The following FLRT3 variants were observed in gnomAD, a reference collection of about 807,000 sequenced individuals.
FLRT3 encodes the protein fibronectin leucine rich transmembrane protein 3, also known as leucine-rich repeat transmembrane protein FLRT3.
A neutral mutation model predicts 42.6 loss-of-function variants in FLRT3; 17 were observed. That is an observed-to-expected ratio of 0.40 (90% CI 0.27 to 0.60). FLRT3 has a LOEUF of 0.60. Among genes scored for constraint, FLRT3 ranks in the 20% least tolerant of loss-of-function variants. The probability of loss-of-function intolerance (pLI) is 0.44; values close to 1 mark genes in which losing one functional copy is unlikely to be tolerated. For missense variants in FLRT3, 635 were observed against 789.2 expected (o/e 0.80, Z 2.34); for synonymous variants, 279 against 286.4 (o/e 0.97, Z 0.26).
At position 14,324,936 on chromosome 20, in the gene FLRT3, A is replaced by G. The variant is rs2082709513; in HGVS notation, c.*621T>C. On this transcript the variant is annotated 3_prime_UTR_variant, in exon 3 of 3. Transcript: ENST00000341420. ...TTCAGAAGATATGCTTAACTTTTTTAAGGATAATTAATTTGCCTAGAGCAA... is the reference window on the plus strand; with the variant it reads ...TTCAGAAGATATGCTTAACTTTTTTGAGGATAATTAATTTGCCTAGAGCAA... 6.6e-6 allele frequency: 1 copy of G among 152,580 alleles called. No homozygotes were observed. The highest frequency in any genetic ancestry group is 1.5e-5 in the Non-Finnish European group (1 of 68,030). 9.5% of individuals were successfully genotyped at this position (152,580 alleles called of 1,614,324 possible).
At chr20:14,335,011 T>C (rs1249085945) in intron 1 of FLRT3, among the ~76,000 whole-genome samples, 1 of 152,160 alleles carries the variant, frequency 6.6e-6, no homozygotes. Flanking sequence ...GGTATGAACA[T>C]TGGCATATCA....
chr20:14,332,085 T>C (rs1228220924), intron 1 of FLRT3, among the ~76,000 whole-genome samples: 1 of 152,146 alleles, frequency 6.6e-6, no homozygotes, highest in Admixed American at 6.6e-5. Context: ...TATTTAACTA[T>C]AAAACACTTA....
rs2082747799 is a variant in FLRT3 at position 14,327,046 on chromosome 20, T to A, written c.461A>T (p.Asn154Ile). ...SIEEGAFRDS[N>I]YLRLLFLSRN... ...GGACAGGAAAAGCAGTCGGAGATAG[T>A]TGCTGTCTCGGAATGCTCCCTCTTC... The change falls in exon 3 of 3, where the codon AAC becomes ATC. Residue 154 changes from asparagine to isoleucine, a missense_variant. Coordinates refer to ENST00000341420, the MANE Select transcript of FLRT3 (RefSeq NM_198391.3). 6.2e-7 allele frequency: 1 copy of A among 1,613,650 alleles called. No individual in the cohort carries two copies. Among genetic ancestry groups the A allele is most frequent in the Admixed American group, 1.7e-5 (1 of 59,958 alleles).
At chr20:14,331,762 C>T (rs892403931) in intron 1 of FLRT3, among the ~76,000 whole-genome samples, 3 of 152,038 alleles carry the variant, frequency 2.0e-5, no homozygotes, top group Non-Finnish European at 4.4e-5. Context: ...CAAAAATGAA[C>T]GATCCTCTCC....
rs1025623867 is a variant in FLRT3 at position 14,323,762 on chromosome 20, T to C, written c.*1795A>G. On this transcript the variant is annotated 3_prime_UTR_variant, in exon 3 of 3. Transcript: ENST00000341420. ...AACAGGGACAAAGAGAAAGTGTGTA[T>C]TTCACAGTATCACAAATGCCAACTC... 5 of 152,142 alleles carry C rather than the reference T, an allele frequency of 3.3e-5. No homozygotes were observed. Among genetic ancestry groups the C allele is most frequent in the African/African-American group, 9.7e-5 (4 of 41,438 alleles). 9.4% of individuals were successfully genotyped at this position (152,142 alleles called of 1,614,324 possible).
chr20:14,330,229 T>C (rs141395761), intron 1 of FLRT3, among the ~76,000 whole-genome samples: 35 of 152,190 alleles, frequency 2.3e-4, no homozygotes, highest in Non-Finnish European at 4.7e-4. Flanking sequence ...AAGAGATCAT[T>C]GAATTTAATG....
intron 1 of FLRT3, among the ~76,000 whole-genome samples, chr20:14,336,325 A>C (rs1006430764): frequency 1.3e-5 from 2 of 152,146 alleles, no homozygotes; most frequent in African/African-American, 2.4e-5. Flanking sequence ...AAAATTGAAA[A>C]AAAAATCAAT....
At chr20:14,336,877 A>T (rs1160279362) in intron 1 of FLRT3, among the ~76,000 whole-genome samples, 2 of 152,212 alleles carry the variant, frequency 1.3e-5, no homozygotes, top group Non-Finnish European at 2.9e-5. Context: ...TTTAAAATCT[A>T]GGTGTAGCTG....
intron 1 of FLRT3, among the ~76,000 whole-genome samples, chr20:14,335,694 G>T (rs972089309): frequency 2.6e-5 from 4 of 152,040 alleles, no homozygotes; most frequent in Non-Finnish European, 5.9e-5. Context: ...TTACAGAACC[G>T]CAATATTAAT....
chr20:14,326,143 G>A lies in FLRT3; in HGVS notation c.1364C>T (p.Thr455Ile). The change falls in exon 3 of 3, where the codon ACA (threonine) becomes ATA (isoleucine). Residue 455 changes from threonine to isoleucine, a missense_variant. By Grantham distance (89) the Thr-to-Ile change is moderately conservative (BLOSUM62 -1). Coordinates refer to ENST00000341420, the MANE Select transcript of FLRT3 (RefSeq NM_198391.3). This position sits in a 1 kb window ranked among gnomAD's most constrained non-coding sequence, Gnocchi z 5.5. The part of the protein sequence containing the change: ...HSPAFGSITE[T>I]IVTGERSEYL... ...CTCACTGCGTTCCCCTGTTACAATTGTTTCTGTTATAGATCCAAATGCCGG... is the reference window on the plus strand; with the variant it reads ...CTCACTGCGTTCCCCTGTTACAATTATTTCTGTTATAGATCCAAATGCCGG... The A allele has an allele frequency of 1.2e-6, 2 of 1,613,860 alleles. No homozygotes were observed. Among genetic ancestry groups the A allele is most frequent in the East Asian group, 2.2e-5 (1 of 44,860 alleles).
Position 14,325,941 on chromosome 20 carries a change from G to A in FLRT3, c.1566C>T (p.Tyr522=), listed in dbSNP as rs772370066. 1.2e-6 allele frequency: 2 copies of A among 1,613,926 alleles called. No homozygotes were observed. The highest frequency in any genetic ancestry group is 3.3e-5 in the Admixed American group (2 of 59,988). The stretch of plus-strand genomic sequence containing the variant: ...CAGCCAAAGGTAAATTGGGGTTTTT[G>A]TAAGGTTCTTTCTCTTGCTCTCGAT... ...TLNREQEKEP[Y]KNPNLPLAAI... Residue 522 remains tyrosine (Y), a synonymous_variant, in exon 3 of 3, where the codon TAC becomes TAT. Coordinates refer to ENST00000341420, the MANE Select transcript of FLRT3 (RefSeq NM_198391.3).
chr20:14,332,662 T>C (rs2082866240), intron 1 of FLRT3, among the ~76,000 whole-genome samples: 1 of 152,162 alleles, frequency 6.6e-6, no homozygotes, highest in South Asian at 2.1e-4. Flanking sequence ...CTGGGGACTT[T>C]TAAAAATATT....
chr20:14,327,003 T>C lies in FLRT3; in HGVS notation c.504A>G (p.Thr168=). ...TAGTCCTGGGCAAACCCCAGGGAATTGTGCTAAGGTGATTACGGGACAGGA... is the reference window on the plus strand; with the variant it reads ...TAGTCCTGGGCAAACCCCAGGGAATCGTGCTAAGGTGATTACGGGACAGGA... The part of the protein sequence containing the change: ...LLFLSRNHLS[T]IPWGLPRTIE... Residue 168 remains threonine, a synonymous_variant, in exon 3 of 3, where the codon ACA becomes ACG. Coordinates refer to ENST00000341420, the MANE Select transcript of FLRT3 (RefSeq NM_198391.3). 1 of 1,613,686 alleles carries C rather than the reference T, an allele frequency of 6.2e-7. No homozygotes were observed. Among genetic ancestry groups the C allele is most frequent in the South Asian group, 1.1e-5 (1 of 91,074 alleles).
rs2082725464 is a variant in FLRT3, at chr20:14,325,895, C to T, written c.1612G>A (p.Ala538Thr). 6.2e-7 allele frequency: 1 copy of T among 1,613,798 alleles called. No homozygotes were observed. Among genetic ancestry groups the T allele is most frequent in the African/African-American group, 1.3e-5 (1 of 74,902 alleles). ...GCAAGAAGGGCAATGGTAACCAGGGCCACAGCCCCACCAATGATGGCAGCC... is the reference window on the plus strand; with the variant it reads ...GCAAGAAGGGCAATGGTAACCAGGGTCACAGCCCCACCAATGATGGCAGCC... ...PLAAIIGGAV[A>T]LVTIALLALV... The change falls in exon 3 of 3, where the codon GCC becomes ACC. Residue 538 changes from alanine to threonine, a missense_variant. Physicochemically the swap from Ala to Thr is moderately conservative, Grantham distance 58. Transcript: ENST00000341420.
At chr20:14,332,229 C>T (rs1275468039) in intron 1 of FLRT3, among the ~76,000 whole-genome samples, 2 of 152,034 alleles carry the variant, frequency 1.3e-5, no homozygotes, top group African/African-American at 4.8e-5. Context: ...ATAATGTAAT[C>T]ATCAAGTCTG....
Position 14,323,473 on chromosome 20 carries a change from T to G in FLRT3, c.*2084A>C, listed in dbSNP as rs1229568098. The G allele has an allele frequency of 6.6e-6, 1 of 152,136 alleles. No homozygotes were observed. Among genetic ancestry groups the G allele is most frequent in the Non-Finnish European group, 1.5e-5 (1 of 68,020 alleles). The allele number at this position is 152,136 out of a possible 1,614,324, so 9.4% of individuals were successfully genotyped here. ...AAGCTCTCCAAATCTTGACCTTTTG[T>G]TTTTTTATGGAGGCTTGATTACATA... On this transcript the variant is annotated 3_prime_UTR_variant, in exon 3 of 3. Transcript: ENST00000341420.
Position 14,337,443 on chromosome 20 carries a change from T to G in FLRT3, c.-286A>C. 2.6e-6 allele frequency: 1 copy of G among 388,344 alleles called. No individual in the cohort carries two copies. The highest frequency in any genetic ancestry group is 4.5e-6 in the Non-Finnish European group (1 of 220,068). 24.1% of individuals were successfully genotyped at this position (388,344 alleles called of 1,614,324 possible). On this transcript the variant is annotated 5_prime_UTR_variant, in exon 1 of 3. It removes the in-frame stop codon of an upstream open reading frame in the 5' UTR. Transcript: ENST00000341420. ...AAAGCAATCCTATATACACTGCCGCTATAGCTGTAATTCCATTGACAGTGA... is the reference window on the plus strand; with the variant it reads ...AAAGCAATCCTATATACACTGCCGCGATAGCTGTAATTCCATTGACAGTGA...
chr20:14,326,715 T>C lies in FLRT3; in HGVS notation c.792A>G (p.Pro264=). 6.2e-7 allele frequency: 1 copy of C among 1,613,754 alleles called. No homozygotes were observed. The highest frequency in any genetic ancestry group is 8.5e-7 in the Non-Finnish European group (1 of 1,179,806). The stretch of plus-strand genomic sequence containing the variant: ...GCTGCCTTAGATAAGAAAAAGCATT[T>C]GGGGGCACCCGATTGATGTGGTTAT... ...LQDNHINRVP[P]NAFSYLRQLY... is the part of the protein sequence containing the mutation. Residue 264 remains proline, a synonymous_variant, in exon 3 of 3, where the codon CCA becomes CCG. Coordinates refer to ENST00000341420, the MANE Select transcript of FLRT3 (RefSeq NM_198391.3). This position sits in a 1 kb window ranked among gnomAD's most constrained non-coding sequence, Gnocchi z 5.5.
At position 14,324,658 on chromosome 20, in the gene FLRT3, A is replaced by C. The variant is rs899139009; in HGVS notation, c.*899T>G. 6 of 152,294 alleles carry C rather than the reference A, an allele frequency of 3.9e-5. No individual in the cohort carries two copies. In the East Asian group the frequency reaches 1.2e-3, roughly 29 times the overall value. The allele number at this position is 152,294 out of a possible 1,614,324, so 9.4% of individuals were successfully genotyped here. A position where few individuals can be genotyped will look rare whatever the true frequency, so the allele number is the denominator to read the frequency against. Reference sequence around the variant, plus strand: ...CCTTTATGATAAAAACATCATAAACACTAACAATTTTGTGTTTATAATTCA... The same window carrying C: ...CCTTTATGATAAAAACATCATAAACCCTAACAATTTTGTGTTTATAATTCA... On this transcript the variant is annotated 3_prime_UTR_variant, in exon 3 of 3. Transcript: ENST00000341420.
Sources: allele counts gnomAD v4.1 joint callset (sites outside exome capture counted in the v4.1 genomes callset), GRCh38; gene constraint gnomAD v4.1.1; non-coding constraint Gnocchi (gnomAD v3.1); transcripts MANE v1.5; gene names NCBI Gene and HGNC (gene_info 2026-07-23, HGNC 2026-07-21).